LRRC1: variants seen among roughly 807,000 people sequenced by gnomAD.
The protein encoded by LRRC1 is leucine-rich repeat-containing protein 1.
LRRC1 carries 28 observed loss-of-function variants against 69.9 expected under a neutral mutation model. That is an observed-to-expected ratio of 0.40 (90% CI 0.30 to 0.55). The LOEUF (loss-of-function observed/expected upper bound fraction) is 0.55. LRRC1 is among the 20% of genes least tolerant of loss of function. The probability of loss-of-function intolerance (pLI) is 0.47; values close to 1 mark genes in which losing one functional copy is unlikely to be tolerated. For synonymous variants in LRRC1, 236 were observed against 240.2 expected (o/e 0.98, Z 0.16); for missense variants, 498 against 609.0 (o/e 0.82, Z 1.92).
chr6:53,875,951 A>G (rs1281530429), intron 2 of LRRC1, among the ~76,000 whole-genome samples: 2 of 152,202 alleles, frequency 1.3e-5, no homozygotes, highest in Non-Finnish European at 2.9e-5. Context: ...AACTGTAGTC[A>G]TCTTACAGTG....
intron 12 of LRRC1, among the ~76,000 whole-genome samples, chr6:53,920,353 A>G (rs1183203068): frequency 1.3e-5 from 2 of 152,238 alleles, no homozygotes; most frequent in African/African-American, 4.8e-5. Context: ...TAGTAAACAT[A>G]TTAATTTAGC....
chr6:53,911,671 G>T (rs1768414190), intron 10 of LRRC1, among the ~76,000 whole-genome samples: 3 of 152,222 alleles, frequency 2.0e-5, no homozygotes, highest in African/African-American at 7.2e-5. Context: ...CCGTACCTCT[G>T]AACCCCAGCC....
At chr6:53,834,542 T>G (rs1233747033) in intron 1 of LRRC1, among the ~76,000 whole-genome samples, 1 of 152,192 alleles carries the variant, frequency 6.6e-6, no homozygotes, top group African/African-American at 2.4e-5. Flanking sequence ...TGTGTGATCC[T>G]CCAGCATGGC....
intron 2 of LRRC1, among the ~76,000 whole-genome samples, chr6:53,851,126 A>T (rs1449709738): frequency 6.6e-6 from 1 of 151,378 alleles, no homozygotes; most frequent in Non-Finnish European, 1.5e-5. Flanking sequence ...CACTGATCAC[A>T]CTCAAGCCTA....
At chr6:53,896,048 A>G (rs1023592952) in intron 4 of LRRC1, among the ~76,000 whole-genome samples, 3 of 152,188 alleles carry the variant, frequency 2.0e-5, no homozygotes, top group African/African-American at 7.2e-5. Context: ...TAAAACAGGG[A>G]TGATCTCTCA....
Position 53,884,188 on chromosome 6 carries a change from T to C in LRRC1, c.446+1212T>C, listed in dbSNP as rs532198165. 5 of 581,224 alleles carry C rather than the reference T, an allele frequency of 8.6e-6. No individual in the cohort carries two copies. The South Asian group carries it at 1.1e-4, about 12-fold the overall frequency. The allele number at this position is 581,224 out of a possible 1,614,324, so 36.0% of individuals were successfully genotyped here. On this transcript the variant is annotated intron_variant, in intron 4 of 13. Coordinates refer to ENST00000370888, the MANE Select transcript of LRRC1 (RefSeq NM_018214.5). ...GCATGTACAATTCACTTTTGCTGTA[T>C]CAAGTGTCAGATATTTATAATGTAA...
rs1312144943 is a variant in LRRC1, at chr6:53,905,293, C to T, written c.990+831C>T. The T allele has an allele frequency of 2.1e-5, 3 of 142,294 alleles. 1 individual carries two copies. Among genetic ancestry groups the T allele is most frequent in the Non-Finnish European group, 1.5e-5 (1 of 66,950 alleles). 8.8% of individuals were successfully genotyped at this position (142,294 alleles called of 1,614,324 possible). ...AGGTTGCAGTGAGCCGAGACCACGC[C>T]ACTGCACTCCAGCCCGGGTGACAGA... On this transcript the variant is annotated intron_variant, in intron 10 of 13. Transcript: ENST00000370888.
intron 3 of LRRC1, among the ~76,000 whole-genome samples, chr6:53,880,995 C>T (rs555766000): frequency 6.6e-6 from 1 of 152,216 alleles, no homozygotes; most frequent in East Asian, 1.9e-4. Context: ...CTAATGTCTG[C>T]TGACATTTGA....
At position 53,920,899 on chromosome 6, in the gene LRRC1, C is replaced by G. The variant is rs368534460; in HGVS notation, c.1416+138C>G. 2.5e-5 allele frequency: 23 copies of G among 913,078 alleles called. No homozygotes were observed. The African/African-American group carries it at 3.9e-4, about 15-fold the overall frequency. The allele number at this position is 913,078 out of a possible 1,614,324, so 56.6% of individuals were successfully genotyped here. ...AGCATTTAGGAATTTTTTTAGAAGA[C>G]AAAGATAGGTAATTCTAGGTACTCA... is the stretch of plus-strand genomic sequence containing the variant. On this transcript the variant is annotated intron_variant, in intron 13 of 13. Coordinates refer to ENST00000370888, the MANE Select transcript of LRRC1 (RefSeq NM_018214.5).
chr6:53,816,023 T>A (rs547169202), intron 1 of LRRC1, among the ~76,000 whole-genome samples: 1 of 152,336 alleles, frequency 6.6e-6, no homozygotes, highest in East Asian at 1.9e-4. Flanking sequence ...GGAATAACTC[T>A]GCATTCTTTT....
chr6:53,857,683 A>C (rs1357691863), intron 2 of LRRC1, among the ~76,000 whole-genome samples: 1 of 152,196 alleles, frequency 6.6e-6, no homozygotes, highest in East Asian at 1.9e-4. Flanking sequence ...TGCACTGAAA[A>C]GTTTCCGTTG....
At chr6:53,873,940 A>G (rs1766983182) in intron 2 of LRRC1, among the ~76,000 whole-genome samples, 1 of 152,166 alleles carries the variant, frequency 6.6e-6, no homozygotes. Context: ...AGCCTTATAG[A>G]CTGCTCCTCA....
intron 2 of LRRC1, among the ~76,000 whole-genome samples, chr6:53,846,455 G>A (rs1282893853): frequency 1.3e-5 from 2 of 152,232 alleles, no homozygotes; most frequent in Admixed American, 1.3e-4. Flanking sequence ...TCAGCACGCG[G>A]TCGACTTTGG....
At chr6:53,862,124 G>C (rs62397089) in intron 2 of LRRC1, among the ~76,000 whole-genome samples, 8,257 of 152,148 alleles carry the variant, frequency 0.054, 300 homozygotes, top group Non-Finnish European at 0.079. Context: ...AGAGAATTCT[G>C]GTATGAACAT....
At chr6:53,852,808 A>G (rs1289786186) in intron 2 of LRRC1, among the ~76,000 whole-genome samples, 6 of 152,326 alleles carry the variant, frequency 3.9e-5, no homozygotes, top group Non-Finnish European at 8.8e-5. Context: ...CCATAAAACT[A>G]CTAGTGAATA....
intron 2 of LRRC1, among the ~76,000 whole-genome samples, chr6:53,855,239 G>A (rs141132929): frequency 2.2e-4 from 34 of 152,288 alleles, no homozygotes; most frequent in Middle Eastern, 6.8e-3. Context: ...AGAGGTGCTT[G>A]GTGAAAGTAT....
intron 3 of LRRC1, among the ~76,000 whole-genome samples, chr6:53,880,427 C>T (rs2127430546): frequency 6.6e-6 from 1 of 152,288 alleles, no homozygotes; most frequent in East Asian, 1.9e-4. Context: ...CAGAGCTCCT[C>T]TATGTGCTAT....
intron 1 of LRRC1, among the ~76,000 whole-genome samples, chr6:53,829,546 C>T (rs1765371239): frequency 6.6e-6 from 1 of 152,166 alleles, no homozygotes; most frequent in African/African-American, 2.4e-5. Context: ...GTGGAAAGTG[C>T]TTTCCAGAGA....
chr6:53,795,564 C>A, intron 1 of LRRC1, 149 bp downstream of exon 1: 1 of 732,504 alleles, frequency 1.4e-6, no homozygotes, highest in African/African-American at 1.8e-5. Flanking sequence ...CTCCCCCTGT[C>A]TCTTTACTTC....
Sources: allele counts gnomAD v4.1 joint callset (sites outside exome capture counted in the v4.1 genomes callset), GRCh38; gene constraint gnomAD v4.1.1; transcripts MANE v1.5; gene names NCBI Gene and HGNC (gene_info 2026-07-23, HGNC 2026-07-21).